The following ATP6V1C2 variants were observed in gnomAD, a reference collection of about 807,000 sequenced individuals.
ATP6V1C2 encodes V-type proton ATPase subunit C 2.
A neutral mutation model predicts 56.8 loss-of-function variants in ATP6V1C2; 45 were observed. The ratio of observed to expected loss-of-function variants is 0.79; its 90% CI spans 0.62 to 1.02. The LOEUF (loss-of-function observed/expected upper bound fraction) is 1.02, where lower values mean the gene tolerates loss of function less well. Ranked by LOEUF, ATP6V1C2 falls within the 50% of genes least tolerant of loss-of-function variation. The pLI is 0.00. For synonymous variants in ATP6V1C2, 220 were observed against 201.3 expected, an observed-to-expected ratio of 1.09 and a Z score of -0.79; for missense variants, 463 against 519.7, an observed-to-expected ratio of 0.89 and a Z score of 1.06.
At chr2:10,723,555 G>A (rs1321684880) in intron 2 of ATP6V1C2, among the ~76,000 whole-genome samples, 1 of 151,992 alleles carries the variant, frequency 6.6e-6, no homozygotes, top group African/African-American at 2.4e-5. Context: ...AAGGAAGAAT[G>A]AGGCCAGGCG....
rs1661651272 is a variant in ATP6V1C2, at chr2:10,726,549, A to T, written c.177A>T (p.Lys59Asn). Residue 59 changes from lysine to asparagine, a missense_variant, in exon 3 of 14, where the codon AAA becomes AAT. Physicochemically the swap from Lys to Asn is moderately conservative, Grantham distance 94. Coordinates refer to ENST00000272238, the MANE Select transcript of ATP6V1C2 (RefSeq NM_001039362.2). Reference sequence around the variant, plus strand: ...TTGGCCTCTCTGATGAGTTGGGGAAACTCGACACCTTTGCTGAAAGGTAAA... The same window carrying T: ...TTGGCCTCTCTGATGAGTTGGGGAATCTCGACACCTTTGCTGAAAGGTAAA... ...SLVGLSDELG[K>N]LDTFAESLIR... is the part of the protein sequence containing the mutation. The T allele has an allele frequency of 1.2e-6, 2 of 1,613,618 alleles. No individual in the cohort carries two copies. The highest frequency in any genetic ancestry group is 8.5e-7 in the Non-Finnish European group (1 of 1,179,728).
intron 4 of ATP6V1C2, among the ~76,000 whole-genome samples, chr2:10,759,425 C>T (rs904439086): frequency 3.9e-5 from 6 of 152,154 alleles, no homozygotes; most frequent in African/African-American, 9.7e-5. Context: ...TGGTCACAGT[C>T]CCTCATGCTG....
intron 11 of ATP6V1C2, 106 bp downstream of exon 11, chr2:10,777,828 G>T: frequency 7.2e-7 from 1 of 1,383,752 alleles, no homozygotes; most frequent in Non-Finnish European, 9.6e-7. Context: ...CTCTAATATG[G>T]CTTTTGAGGT....
At chr2:10,765,028 C>A (rs76967584) in intron 5 of ATP6V1C2, among the ~76,000 whole-genome samples, 3,440 of 152,096 alleles carry the variant, frequency 0.023, 51 homozygotes, top group Non-Finnish European at 0.038. Context: ...TCATCTACTC[C>A]TAGGAACCTG....
At chr2:10,721,373 G>C (rs891192941), upstream of ATP6V1C2, among the ~76,000 whole-genome samples, 5 of 152,092 alleles carry the variant, frequency 3.3e-5, no homozygotes, top group Non-Finnish European at 7.4e-5. Flanking sequence ...TCCCGGACGC[G>C]GCAGCGCAGT....
intron 3 of ATP6V1C2, among the ~76,000 whole-genome samples, chr2:10,748,538 A>G (rs1663039711): frequency 6.6e-6 from 1 of 152,204 alleles, no homozygotes; most frequent in Non-Finnish European, 1.5e-5. Context: ...TGTAACCAAC[A>G]TCCCAATCAA....
rs753996628 is a variant in ATP6V1C2, at chr2:10,764,324, C to T, written c.284-7C>T. 6.2e-7 allele frequency: 1 copy of T among 1,606,712 alleles called. No individual in the cohort carries two copies. ...TCATGTGTTGAAATGTGTTTGTATT[C>T]TTCCAGTTGACTTAACATCCTTTGT... On this transcript the variant is annotated splice_region_variant and splice_polypyrimidine_tract_variant and intron_variant, in intron 4 of 13. Coordinates refer to ENST00000272238, the MANE Select transcript of ATP6V1C2 (RefSeq NM_001039362.2).
rs1290412276 is a variant in ATP6V1C2 at position 10,780,634 on chromosome 2, AGTC to A, written c.1062-1607_1062-1605del. ...CCAGATCAACCCTGCCCGGCTCAGA[AGTC>A]GGTTGCTCTCAGGCCTAACGGCCTA... On this transcript the variant is annotated intron_variant, in intron 12 of 13. Coordinates refer to ENST00000272238, the MANE Select transcript of ATP6V1C2 (RefSeq NM_001039362.2). The surrounding 1 kb of genome is among the most constrained non-coding windows in gnomAD (Gnocchi z 4.1). 4.6e-5 allele frequency among the ~76,000 whole-genome samples: 7 copies of A among 152,222 alleles called. No individual in the cohort carries two copies. Among genetic ancestry groups the A allele is most frequent in the Admixed American group, 2.6e-4 (4 of 15,284 alleles).
At chr2:10,748,448 C>G (rs1663036564) in intron 3 of ATP6V1C2, among the ~76,000 whole-genome samples, 1 of 151,680 alleles carries the variant, frequency 6.6e-6, no homozygotes, top group African/African-American at 2.4e-5. Flanking sequence ...TTTTTTTAAA[C>G]AAGGTAAAAG....
intron 3 of ATP6V1C2, among the ~76,000 whole-genome samples, chr2:10,749,255 G>T (rs1663084638): frequency 6.6e-6 from 1 of 152,000 alleles, no homozygotes; most frequent in African/African-American, 2.4e-5. Context: ...AGCACTTTGG[G>T]AAGCCGAGGC....
chr2:10,757,971 C>T (rs996710118), intron 4 of ATP6V1C2, among the ~76,000 whole-genome samples: 6 of 152,176 alleles, frequency 3.9e-5, no homozygotes, highest in Admixed American at 6.5e-5. Flanking sequence ...TTCCCCAACC[C>T]GCTCAAACTG....
intron 3 of ATP6V1C2, among the ~76,000 whole-genome samples, chr2:10,733,190 CG>C (rs1377805896): frequency 3.3e-5 from 5 of 152,134 alleles, no homozygotes; most frequent in African/African-American, 1.2e-4. Flanking sequence ...GGTCTGAGCA[CG>C]TCAAAATTCT....
rs755312090 is a variant in ATP6V1C2, at chr2:10,783,307, A to AT, written c.*44_*45insT. 2 of 1,294,250 alleles carry AT rather than the reference A, an allele frequency of 1.5e-6. No homozygotes were observed. The highest frequency in any genetic ancestry group is 2.2e-6 in the Non-Finnish European group (2 of 890,550). 80.2% of individuals were successfully genotyped at this position (1,294,250 alleles called of 1,614,324 possible). ...CTGTCTCATGTTCGTGCAGATTATT[A>AT]CAGACACCTCTTTCCTTTAGCCAGA... On this transcript the variant is annotated 3_prime_UTR_variant, in exon 14 of 14. Transcript: ENST00000272238.
intron 3 of ATP6V1C2, among the ~76,000 whole-genome samples, chr2:10,731,477 C>T (rs1331456108): frequency 6.6e-6 from 1 of 152,182 alleles, no homozygotes; most frequent in Non-Finnish European, 1.5e-5. Flanking sequence ...TGGCCTTGTA[C>T]AACTTATGGC....
chr2:10,772,029 C>A, intron 7 of ATP6V1C2, 92 bp downstream of exon 7: 1 of 1,039,614 alleles, frequency 9.6e-7, no homozygotes, highest in Non-Finnish European at 1.5e-6. Context: ...GACGAGGATG[C>A]TCCCTGCCCA....
intron 2 of ATP6V1C2, among the ~76,000 whole-genome samples, chr2:10,725,026 T>C (rs1661564867): frequency 6.6e-6 from 1 of 152,178 alleles, no homozygotes; most frequent in Admixed American, 6.5e-5. Context: ...TAACATCTAG[T>C]TGGTGGTACC....
chr2:10,746,358 T>C lies in ATP6V1C2; in HGVS notation c.198-7623T>C, dbSNP rs1442771379. ...TTTATTAGTTATTTATTATTTATTT[T>C]GTTATGATTTACTATTTTATTTTCA... is the stretch of plus-strand genomic sequence containing the variant. On this transcript the variant is annotated intron_variant, in intron 3 of 13. Transcript: ENST00000272238. 3.9e-5 allele frequency among the ~76,000 whole-genome samples: 6 copies of C among 152,224 alleles called. No homozygotes were observed. The South Asian group carries it at 8.3e-4, about 21-fold the overall frequency.
At chr2:10,731,521 A>G (rs1661951576) in intron 3 of ATP6V1C2, among the ~76,000 whole-genome samples, 1 of 152,224 alleles carries the variant, frequency 6.6e-6, no homozygotes, top group African/African-American at 2.4e-5. Flanking sequence ...TAAAATAATC[A>G]CATCACATAA....
At chr2:10,728,273 AAGGT>A (rs1478699833) in intron 3 of ATP6V1C2, among the ~76,000 whole-genome samples, 4 of 152,044 alleles carry the variant, frequency 2.6e-5, no homozygotes, top group Admixed American at 6.5e-5. Flanking sequence ...TGGTAAAGAC[AAGGT>A]CTCACTGTGT....
Sources: allele counts gnomAD v4.1 joint callset (sites outside exome capture counted in the v4.1 genomes callset), GRCh38; gene constraint gnomAD v4.1.1; non-coding constraint Gnocchi (gnomAD v3.1); transcripts MANE v1.5; gene names NCBI Gene and HGNC (gene_info 2026-07-23, HGNC 2026-07-21).